The following L3MBTL4 variants were observed in gnomAD, a reference collection of about 807,000 sequenced individuals.
L3MBTL4 encodes the protein lethal(3)malignant brain tumor-like protein 4.
In L3MBTL4, 70 loss-of-function variants were observed where a neutral mutation model predicts 84.5. That is an observed-to-expected ratio of 0.83 (90% CI 0.68 to 1.01). The LOEUF (loss-of-function observed/expected upper bound fraction) is 1.01, where lower values mean the gene tolerates loss of function less well. L3MBTL4 is among the 50% of genes least tolerant of loss of function. The pLI is 0.00. For missense variants in L3MBTL4, 715 were observed against 754.8 expected, an observed-to-expected ratio of 0.95 and a Z score of 0.62; for synonymous variants, 274 against 259.8, an observed-to-expected ratio of 1.05 and a Z score of -0.52.
At chr18:6,241,216 A>C in intron 8 of L3MBTL4, 142 bp downstream of exon 8, 1 of 604,184 alleles carries the variant, frequency 1.7e-6, no homozygotes, top group South Asian at 2.4e-5. Context: ...CAAGAAACTG[A>C]CGAATTAGGT....
chr18:6,287,829 C>T (rs912678016), intron 4 of L3MBTL4, among the ~76,000 whole-genome samples: 7 of 152,100 alleles, frequency 4.6e-5, no homozygotes, highest in Admixed American at 3.3e-4. Flanking sequence ...TATAAGATTA[C>T]CTATTTAAAT....
intron 12 of L3MBTL4, among the ~76,000 whole-genome samples, chr18:6,185,960 C>CTATTTTATTTTATTTATTTTATTTTAT (rs976327212): frequency 6.9e-6 from 1 of 145,784 alleles, no homozygotes; most frequent in African/African-American, 2.7e-5. Flanking sequence ...AGGGCACTTT[C>CTATTTTATTTTATTTATTTTATTTTAT]TTTATTTTAT....
chr18:6,072,877 AAAAAATATATATATAT>A (rs1275498821), intron 16 of L3MBTL4, among the ~76,000 whole-genome samples: 2 of 42,672 alleles, frequency 4.7e-5, no homozygotes, highest in Non-Finnish European at 8.4e-5. Context: ...AAAAAAAAAA[AAAAAATATATATATAT>A]ATATATATAT....
At chr18:6,352,967 G>A (rs962503787) in intron 1 of L3MBTL4, among the ~76,000 whole-genome samples, 14 of 151,882 alleles carry the variant, frequency 9.2e-5, no homozygotes, top group African/African-American at 1.2e-4. Flanking sequence ...AATACCTCCC[G>A]TAACCTTTTA....
Position 5,998,556 on chromosome 18 carries a change from A to G in L3MBTL4, c.1445-28994T>C, listed in dbSNP as rs539770533. On this transcript the variant is annotated intron_variant, in intron 16 of 18. Coordinates refer to ENST00000317931, the MANE Select transcript of L3MBTL4 (RefSeq NM_001330559.2). ...GGTGGTTAACAAGTACTTTGTCCCC[A>G]TTTGGCAAAAGAGGTCAGCTAATCA... 1.2e-4 allele frequency among the ~76,000 whole-genome samples: 18 copies of G among 152,274 alleles called. No individual in the cohort carries two copies. The South Asian group carries it at 3.5e-3, about 30-fold the overall frequency.
At chr18:6,205,558 G>A (rs1215863806) in intron 12 of L3MBTL4, among the ~76,000 whole-genome samples, 7 of 152,114 alleles carry the variant, frequency 4.6e-5, no homozygotes, top group Admixed American at 4.6e-4. Context: ...GTAGTAATAG[G>A]AAAGTAAAAC....
intron 1 of L3MBTL4, among the ~76,000 whole-genome samples, chr18:6,412,109 C>A (rs980006689): frequency 6.6e-6 from 1 of 152,026 alleles, no homozygotes; most frequent in African/African-American, 2.4e-5. Flanking sequence ...AGCCTAGTAT[C>A]CATTAGTTAT....
At chr18:6,392,987 T>C (rs2055121679) in intron 1 of L3MBTL4, among the ~76,000 whole-genome samples, 1 of 152,182 alleles carries the variant, frequency 6.6e-6, no homozygotes, top group Non-Finnish European at 1.5e-5. Context: ...GTATACTATT[T>C]GGCTTATGGG....
intron 12 of L3MBTL4, among the ~76,000 whole-genome samples, chr18:6,173,807 G>A (rs755535604): frequency 2.8e-4 from 42 of 152,094 alleles, no homozygotes; most frequent in Non-Finnish European, 5.3e-4. Flanking sequence ...AAAAGTCCAT[G>A]GGAGGTTATT....
Position 5,955,207 on chromosome 18 carries a change from T to A in L3MBTL4, c.*1013A>T, listed in dbSNP as rs2095220280. The stretch of plus-strand genomic sequence containing the variant: ...GATACAATCACTTACAAAAAACAAA[T>A]AAGGCCTGACAACAAATCGGAATGT... On this transcript the variant is annotated 3_prime_UTR_variant, in exon 19 of 19. Coordinates refer to ENST00000317931, the MANE Select transcript of L3MBTL4 (RefSeq NM_001330559.2). 6.6e-6 allele frequency: 1 copy of A among 152,126 alleles called. No homozygotes were observed. The highest frequency in any genetic ancestry group is 2.4e-5 in the African/African-American group (1 of 41,398). The allele number at this position is 152,126 out of a possible 1,614,324, so 9.4% of individuals were successfully genotyped here. A position where few individuals can be genotyped will look rare whatever the true frequency, so the allele number is the denominator to read the frequency against.
At chr18:6,167,754 T>C (rs1407123472) in intron 13 of L3MBTL4, among the ~76,000 whole-genome samples, 3 of 152,168 alleles carry the variant, frequency 2.0e-5, no homozygotes, top group South Asian at 4.1e-4. Flanking sequence ...AGCATTCCCT[T>C]TGAAAACTGG....
chr18:6,250,707 T>C (rs1171094774), intron 5 of L3MBTL4, among the ~76,000 whole-genome samples: 1 of 152,192 alleles, frequency 6.6e-6, no homozygotes, highest in Non-Finnish European at 1.5e-5. Flanking sequence ...TACAAAGAAC[T>C]GGGCAAGGAC....
At chr18:6,075,364 A>G (rs909091880) in intron 16 of L3MBTL4, among the ~76,000 whole-genome samples, 1 of 152,160 alleles carries the variant, frequency 6.6e-6, no homozygotes, top group African/African-American at 2.4e-5. Context: ...GAGTCCAGAA[A>G]CAGACCCACA....
chr18:5,975,999 T>C (rs968806457), intron 16 of L3MBTL4, among the ~76,000 whole-genome samples: 1 of 152,220 alleles, frequency 6.6e-6, no homozygotes, highest in Admixed American at 6.5e-5. Context: ...TATATAAATA[T>C]GGGAGATGAA....
At chr18:6,136,593 T>C (rs2060035534) in intron 14 of L3MBTL4, among the ~76,000 whole-genome samples, 1 of 152,150 alleles carries the variant, frequency 6.6e-6, no homozygotes, top group African/African-American at 2.4e-5. Context: ...CTCTGATTGG[T>C]TGCTTTCCAC....
At chr18:6,062,406 C>T (rs2057254004) in intron 16 of L3MBTL4, among the ~76,000 whole-genome samples, 2 of 151,916 alleles carry the variant, frequency 1.3e-5, no homozygotes, top group Admixed American at 1.3e-4. Context: ...TCAAGATTTT[C>T]TCTTCATCTT....
At chr18:6,007,129 T>A (rs952573643) in intron 16 of L3MBTL4, among the ~76,000 whole-genome samples, 1 of 151,632 alleles carries the variant, frequency 6.6e-6, no homozygotes, top group Non-Finnish European at 1.5e-5. Flanking sequence ...TAAACAAACA[T>A]AACGCTCACA....
chr18:6,138,204 C>G lies in L3MBTL4; in HGVS notation c.1189G>C (p.Gly397Arg). 1 of 1,609,644 alleles carries G rather than the reference C, an allele frequency of 6.2e-7. No homozygotes were observed. The highest frequency in any genetic ancestry group is 8.5e-7 in the Non-Finnish European group (1 of 1,176,882). The change falls in exon 14 of 19, where the codon GGA (glycine) becomes CGA (arginine). Residue 397 changes from glycine to arginine, a missense_variant. By Grantham distance (125) the Gly-to-Arg change is moderately radical. Transcript: ENST00000317931. ...IGHIRGPRYS[G>R]HHSAFGCPYS... ...TAAGAAAAATGTTACCTGTGATGTC[C>G]CGAATAACGTGGACCACGGATATGG...
intron 16 of L3MBTL4, among the ~76,000 whole-genome samples, chr18:6,045,930 G>T (rs2056600253): frequency 6.6e-6 from 1 of 152,048 alleles, no homozygotes. Context: ...CCACTTAGAA[G>T]GCACAGAGTT....
Sources: allele counts gnomAD v4.1 joint callset (sites outside exome capture counted in the v4.1 genomes callset), GRCh38; gene constraint gnomAD v4.1.1; transcripts MANE v1.5; gene names NCBI Gene and HGNC (gene_info 2026-07-23, HGNC 2026-07-21).